Variants in TCF20 observed in about 807,000 individuals in gnomAD.
The protein encoded by TCF20 is SPRE-binding protein.
A neutral mutation model predicts 148.6 loss-of-function variants in TCF20; 3 were observed. That is an observed-to-expected ratio of 0.02 (90% confidence interval 0.01 to 0.05). TCF20 has a LOEUF of 0.05. Ranked by LOEUF, TCF20 falls within the 10% of genes least tolerant of loss-of-function variation. The probability of loss-of-function intolerance (pLI) is 1.00; values close to 1 mark genes in which losing one functional copy is unlikely to be tolerated. For synonymous variants in TCF20, 1,049 were observed against 909.5 expected (o/e 1.15, Z -2.76); for missense variants, 2,350 against 2,429.3 (o/e 0.97, Z 0.69).
rs189918788 is a variant in TCF20 at position 42,197,361 on chromosome 22, C to T, written c.5655+12290G>A. 4.3e-3 allele frequency among the ~76,000 whole-genome samples: 609 copies of T among 142,484 alleles called. 2 individuals carry two copies. The highest frequency in any genetic ancestry group is 0.015 in the African/African-American group (570 of 37,844). 93.5% of individuals were successfully genotyped at this position (142,484 alleles called of 152,430 possible). A position where few individuals can be genotyped will look rare whatever the true frequency, so the allele number is the denominator to read the frequency against. On this transcript the variant is annotated intron_variant, in intron 2 of 5. Coordinates refer to ENST00000677622, the MANE Select transcript of TCF20 (RefSeq NM_001378418.1). Reference sequence around the variant, plus strand: ...TTTTTGAGATGGAGTCTCGCTGTGTCGCCCAGGCTGGAGGGCAGTGGCGCG... The same window carrying T: ...TTTTTGAGATGGAGTCTCGCTGTGTTGCCCAGGCTGGAGGGCAGTGGCGCG...
At chr22:42,327,376 G>A (rs1445493629) in intron 1 of TCF20, among the ~76,000 whole-genome samples, 1 of 152,152 alleles carries the variant, frequency 6.6e-6, no homozygotes, top group Non-Finnish European at 1.5e-5. Flanking sequence ...CTCTGACCTT[G>A]GCCATGAACT....
At chr22:42,312,414 G>A (rs1485901025) in intron 1 of TCF20, among the ~76,000 whole-genome samples, 1 of 152,180 alleles carries the variant, frequency 6.6e-6, no homozygotes, top group Non-Finnish European at 1.5e-5. Flanking sequence ...ACCTTATTGA[G>A]GGGGTCTGAT....
chr22:42,249,006 G>A (rs1925144894), intron 1 of TCF20, among the ~76,000 whole-genome samples: 1 of 152,186 alleles, frequency 6.6e-6, no homozygotes, highest in African/African-American at 2.4e-5. Context: ...TAGGCAAGGA[G>A]AGCCCTCTAT....
Position 42,210,912 on chromosome 22 carries a change from G to A in TCF20, c.4394C>T (p.Thr1465Ile), listed in dbSNP as rs929672691. The A allele has an allele frequency of 3.1e-6, 5 of 1,614,064 alleles. No homozygotes were observed. The highest frequency in any genetic ancestry group is 4.2e-6 in the Non-Finnish European group (5 of 1,180,056). ...ACCAGGCTTCTGTGAGGTTGTGGAT[G>A]TCATGGCACCAGGGGGTTCCTTTCC... ...TAGKEPPGAM[T>I]STTSQKPGSN... The change falls in exon 2 of 6, where the codon ACA becomes ATA. Residue 1465 changes from threonine to isoleucine, a missense_variant. Physicochemically the swap from Thr to Ile is moderately conservative, Grantham distance 89. Transcript: ENST00000677622. This position sits in a 1 kb window ranked among gnomAD's most constrained non-coding sequence, Gnocchi z 4.7.
intron 1 of TCF20, among the ~76,000 whole-genome samples, chr22:42,341,699 C>T (rs1018569360): frequency 8.1e-5 from 12 of 148,488 alleles, no homozygotes; most frequent in Admixed American, 7.5e-4. Flanking sequence ...GAGCTGGCCA[C>T]ACAGGGGCTG....
chr22:42,259,944 C>T (rs1440015464), intron 1 of TCF20, among the ~76,000 whole-genome samples: 4 of 152,064 alleles, frequency 2.6e-5, no homozygotes, highest in Non-Finnish European at 4.4e-5. Context: ...AGACCCTTGT[C>T]TCTATTTTTT....
At chr22:42,187,550 G>C (rs1937105117) in intron 2 of TCF20, among the ~76,000 whole-genome samples, 2 of 152,216 alleles carry the variant, frequency 1.3e-5, no homozygotes, top group Admixed American at 1.3e-4. Flanking sequence ...CAAATCTCTT[G>C]AGTGTGGCCG....
intron 1 of TCF20, among the ~76,000 whole-genome samples, chr22:42,334,604 C>T (rs1198053938): frequency 1.3e-5 from 2 of 152,272 alleles, no homozygotes; most frequent in African/African-American, 4.8e-5. Flanking sequence ...CTTACACACT[C>T]GGCACATGCC....
intron 1 of TCF20, among the ~76,000 whole-genome samples, chr22:42,309,558 AGGAGTTCCCTACCCATCTAC>A (rs1456469181): frequency 1.4e-5 from 2 of 147,220 alleles, no homozygotes; most frequent in Non-Finnish European, 3.0e-5. Flanking sequence ...CCCCACATTC[AGGAGTTCCCTACCCATCTAC>A]GGCTGCTGCA....
chr22:42,229,945 A>G (rs1923249036), intron 1 of TCF20, among the ~76,000 whole-genome samples: 2 of 152,224 alleles, frequency 1.3e-5, no homozygotes, highest in Admixed American at 1.3e-4. Flanking sequence ...CACATCTACA[A>G]GGTCCTCAAA....
chr22:42,251,831 A>T (rs992686386), intron 1 of TCF20, among the ~76,000 whole-genome samples: 1 of 151,856 alleles, frequency 6.6e-6, no homozygotes, highest in Non-Finnish European at 1.5e-5. Flanking sequence ...ATAATGTTTT[A>T]AAATTATTTT....
chr22:42,265,890 C>T (rs1047648247), intron 1 of TCF20, among the ~76,000 whole-genome samples: 1 of 152,008 alleles, frequency 6.6e-6, no homozygotes, highest in African/African-American at 2.4e-5. Flanking sequence ...GACAGAATGA[C>T]GGAATTAAGT....
Position 42,290,813 on chromosome 22 carries a change from G to A in TCF20, c.-37+52666C>T, listed in dbSNP as rs954897847. On this transcript the variant is annotated intron_variant, in intron 1 of 1. Transcript: ENST00000515426. The surrounding 1 kb of genome is among the most constrained non-coding windows in gnomAD (Gnocchi z 4.2). ...GGTCAGCCTCCCAGAGCACACAGGGGCCTTGGGGCAGGCCTGCTGCCCATC... is the reference window on the plus strand; with the variant it reads ...GGTCAGCCTCCCAGAGCACACAGGGACCTTGGGGCAGGCCTGCTGCCCATC... Among the ~76,000 whole-genome samples the A allele has an allele frequency of 6.6e-6, 1 of 152,200 alleles. No individual in the cohort carries two copies. Among genetic ancestry groups the A allele is most frequent in the Non-Finnish European group, 1.5e-5 (1 of 68,022 alleles).
intron 1 of TCF20, among the ~76,000 whole-genome samples, chr22:42,301,011 A>C (rs1927326785): frequency 6.6e-6 from 1 of 152,158 alleles, no homozygotes; most frequent in Non-Finnish European, 1.5e-5. Flanking sequence ...CCAAGGAGGA[A>C]GCAGCTACCT....
intron 1 of TCF20, among the ~76,000 whole-genome samples, chr22:42,259,768 A>C (rs908681684): frequency 1.3e-5 from 2 of 152,136 alleles, no homozygotes; most frequent in Non-Finnish European, 2.9e-5. Context: ...ACTGTGTATC[A>C]AATACTGCTG....
intron 1 of TCF20, among the ~76,000 whole-genome samples, chr22:42,223,142 C>T (rs770636194): frequency 5.3e-5 from 8 of 152,140 alleles, no homozygotes; most frequent in Non-Finnish European, 1.0e-4. Context: ...TACAGTAAGA[C>T]CTGTCCCAGT....
At chr22:42,302,154 G>T (rs1414038420) in intron 1 of TCF20, among the ~76,000 whole-genome samples, 4 of 152,234 alleles carry the variant, frequency 2.6e-5, no homozygotes, top group Non-Finnish European at 4.4e-5. Flanking sequence ...CACTGGGCAG[G>T]TGCCTTGATG....
chr22:42,210,429 G>A lies in TCF20; in HGVS notation c.4877C>T (p.Ala1626Val), dbSNP rs926207170. The change falls in exon 2 of 6, where the codon GCC becomes GTC. Residue 1626 changes from alanine (A) to valine (V), a missense_variant. Coordinates refer to ENST00000677622, the MANE Select transcript of TCF20 (RefSeq NM_001378418.1). This position sits in a 1 kb window ranked among gnomAD's most constrained non-coding sequence, Gnocchi z 4.7. The stretch of plus-strand genomic sequence containing the variant: ...GTAAGGGTAAAAAGACTTGTTCTTG[G>A]CATCAGTTTTATCCAGTGGCTGGGT... ...YATQPLDKTD[A>V]KNKSFYPYIH... 7 of 1,614,118 alleles carry A rather than the reference G, an allele frequency of 4.3e-6. No homozygotes were observed. Among genetic ancestry groups the A allele is most frequent in the African/African-American group, 1.3e-5 (1 of 74,928 alleles).
chr22:42,188,308 A>G lies in TCF20; in HGVS notation c.5656-8606T>C, dbSNP rs1436286486. Among the ~76,000 whole-genome samples, 3 of 149,968 alleles carry G rather than the reference A, an allele frequency of 2.0e-5. No individual in the cohort carries two copies. The East Asian group carries it at 5.8e-4, about 29-fold the overall frequency. On this transcript the variant is annotated intron_variant, in intron 2 of 5. Transcript: ENST00000677622. ...AACTCCGTCTCAAAAAAAAAAAAAA[A>G]AAAAAAAAAAAATCCAGATTCTCAC...
Sources: allele counts gnomAD v4.1 joint callset (sites outside exome capture counted in the v4.1 genomes callset), GRCh38; gene constraint gnomAD v4.1.1; non-coding constraint Gnocchi (gnomAD v3.1); transcripts MANE v1.5; gene names NCBI Gene and HGNC (gene_info 2026-07-23, HGNC 2026-07-21).